Variants in TMEM245 observed in about 807,000 individuals in gnomAD.
TMEM245 encodes the protein protein CG-2.
A neutral mutation model predicts 101.2 loss-of-function variants in TMEM245; 69 were observed. The ratio of observed to expected loss-of-function variants is 0.68; its 90% CI spans 0.56 to 0.83. The LOEUF (loss-of-function observed/expected upper bound fraction) is 0.83, where lower values mean the gene tolerates loss of function less well. TMEM245 is among the 40% of genes least tolerant of loss of function. The pLI is 0.00. For missense variants in TMEM245, 1,075 were observed against 1,092.8 expected (o/e 0.98, Z 0.23); for synonymous variants, 537 against 449.8 (o/e 1.19, Z -2.45).
At chr9:109,037,992 G>A in intron 15 of TMEM245, 25 bp downstream of exon 15, 1 of 1,519,066 alleles carries the variant, frequency 6.6e-7, no homozygotes, top group South Asian at 1.2e-5. Context: ...ATAGCGAATA[G>A]TGGAAGGTAC....
chr9:109,092,809 C>G (rs1175706697), intron 4 of TMEM245, among the ~76,000 whole-genome samples: 2 of 152,152 alleles, frequency 1.3e-5, no homozygotes, highest in African/African-American at 4.8e-5. Flanking sequence ...GCTGGTATAT[C>G]TACCAGCTGG....
chr9:109,079,660 A>G (rs575344535), intron 8 of TMEM245, among the ~76,000 whole-genome samples: 1 of 152,252 alleles, frequency 6.6e-6, no homozygotes, highest in East Asian at 1.9e-4. Context: ...AGCTCACTGA[A>G]GCAGGGGATG....
In TMEM245 at chr9:109,109,504, A is replaced by C. The variant is rs113924614; in HGVS notation, c.580-934T>G. Among the ~76,000 whole-genome samples, 440 of 152,134 alleles carry C rather than the reference A, an allele frequency of 2.9e-3. 1 individual carries two copies. Among genetic ancestry groups the C allele is most frequent in the African/African-American group, 0.01 (423 of 41,572 alleles). On this transcript the variant is annotated intron_variant, in intron 1 of 17. Transcript: ENST00000374586. The stretch of plus-strand genomic sequence containing the variant: ...ATAATTCAGAGCATGAAGAAAAAAG[A>C]ACTGATGGGATTACTAAAAAAGACA...
At chr9:109,107,300 G>A (rs1830454130) in intron 2 of TMEM245, among the ~76,000 whole-genome samples, 1 of 151,562 alleles carries the variant, frequency 6.6e-6, no homozygotes, top group Non-Finnish European at 1.5e-5. Flanking sequence ...TTGGGGGGCT[G>A]AGACAGGAGA....
At chr9:109,093,158 T>C (rs181983241) in intron 4 of TMEM245, among the ~76,000 whole-genome samples, 9 of 151,408 alleles carry the variant, frequency 5.9e-5, no homozygotes, top group African/African-American at 1.9e-4. Context: ...GAAAGGTAAA[T>C]GGAGACGGAG....
intron 1 of TMEM245, among the ~76,000 whole-genome samples, chr9:109,109,897 T>C (rs565548728): frequency 6.0e-4 from 91 of 152,312 alleles, no homozygotes; most frequent in African/African-American, 1.8e-3. Flanking sequence ...ACATCTACTA[T>C]ATGGTGGGAG....
intron 5 of TMEM245, among the ~76,000 whole-genome samples, chr9:109,088,738 C>T (rs939083147): frequency 2.7e-5 from 4 of 148,872 alleles, no homozygotes; most frequent in African/African-American, 7.5e-5. Context: ...AAAGTGTGAA[C>T]CCAGGAAGTG....
At chr9:109,068,036 A>G (rs1829219967) in intron 9 of TMEM245, among the ~76,000 whole-genome samples, 1 of 152,106 alleles carries the variant, frequency 6.6e-6, no homozygotes, top group African/African-American at 2.4e-5. Context: ...AAAAAGAATC[A>G]GACCTTCTAT....
At chr9:109,053,197 G>A (rs773501272) in intron 12 of TMEM245, among the ~76,000 whole-genome samples, 1 of 152,180 alleles carries the variant, frequency 6.6e-6, no homozygotes, top group Non-Finnish European at 1.5e-5. Context: ...AGGCCAAGGT[G>A]AGCGGATCAG....
chr9:109,050,578 G>C lies in TMEM245; in HGVS notation c.1969C>G (p.Leu657Val), dbSNP rs1248639135. 6.2e-7 allele frequency: 1 copy of C among 1,613,876 alleles called. No homozygotes were observed. Among genetic ancestry groups the C allele is most frequent in the South Asian group, 1.1e-5 (1 of 91,070 alleles). Reference protein sequence around the residue: ...YSGTALLNFVLSLIIFLTTLF... With the variant: ...YSGTALLNFVVSLIIFLTTLF... ...TATCTATGTGGACGTACCAGAGAGA[G>C]TACAAAATTGAGAAGGGCTGTCCCG... Residue 657 changes from leucine to valine, a missense_variant, in exon 13 of 18, where the codon CTC (leucine) becomes GTC (valine). Physicochemically the swap from Leu to Val is conservative, Grantham distance 32 (BLOSUM62 1). Coordinates refer to ENST00000374586, the MANE Select transcript of TMEM245 (RefSeq NM_032012.4).
At chr9:109,091,707 T>G (rs1400695769) in intron 4 of TMEM245, among the ~76,000 whole-genome samples, 8 of 152,290 alleles carry the variant, frequency 5.3e-5, no homozygotes, top group South Asian at 2.1e-4. Context: ...GTGAGGATTT[T>G]CAAATAAAGG....
At chr9:109,089,246 AATACAG>A (rs1829930938) in intron 5 of TMEM245, among the ~76,000 whole-genome samples, 1 of 152,180 alleles carries the variant, frequency 6.6e-6, no homozygotes, top group Non-Finnish European at 1.5e-5. Context: ...AAAAAAAAAA[AATACAG>A]ATACAAACTT....
rs774087746 is a variant in TMEM245, at chr9:109,090,976, T to C, written c.1096A>G (p.Met366Val). ...ATCCACAGGTTCAACCAGATCTGCA[T>C]GACGACAATGGCCCAAACTAGAGAC... ...FVSLVWAIVV[M>V]QIWLNLWIVQ... The change falls in exon 5 of 18, where the codon ATG (methionine) becomes GTG (valine). Residue 366 changes from methionine to valine, a missense_variant. Physicochemically the swap from Met to Val is conservative, Grantham distance 21. This residue lies in a region of TMEM245 where 808 missense variants were observed against 741.5 expected (regional missense o/e 1.09). Coordinates refer to ENST00000374586, the MANE Select transcript of TMEM245 (RefSeq NM_032012.4). 1.2e-6 allele frequency: 2 copies of C among 1,614,220 alleles called. No homozygotes were observed. Among genetic ancestry groups the C allele is most frequent in the Non-Finnish European group, 1.7e-6 (2 of 1,180,044 alleles).
intron 8 of TMEM245, among the ~76,000 whole-genome samples, chr9:109,077,056 A>G (rs1219546993): frequency 6.6e-6 from 1 of 151,640 alleles, no homozygotes; most frequent in African/African-American, 2.4e-5. Flanking sequence ...TTTTCTTGAA[A>G]AGAATATAAT....
intron 17 of TMEM245, among the ~76,000 whole-genome samples, chr9:109,020,949 G>T (rs1043261087): frequency 6.6e-6 from 1 of 152,192 alleles, no homozygotes; most frequent in Non-Finnish European, 1.5e-5. Flanking sequence ...AATAGAAATC[G>T]TAATCCAACA....
intron 5 of TMEM245, among the ~76,000 whole-genome samples, chr9:109,087,772 G>C (rs922057959): frequency 6.6e-6 from 1 of 152,068 alleles, no homozygotes; most frequent in African/African-American, 2.4e-5. Flanking sequence ...TTCCTTAGTT[G>C]CTCGTTATTT....
At chr9:109,060,537 T>A in intron 10 of TMEM245, 85 bp from the exon 11 acceptor site, 2 of 928,734 alleles carry the variant, frequency 2.2e-6, no homozygotes, top group Non-Finnish European at 3.3e-6. Context: ...TTTACATTTG[T>A]TCCAAAGCAA....
At chr9:109,076,577 CTAA>C (rs1245584013) in intron 8 of TMEM245, among the ~76,000 whole-genome samples, 2 of 152,040 alleles carry the variant, frequency 1.3e-5, no homozygotes, top group East Asian at 1.9e-4. Flanking sequence ...AAGGCTTTAA[CTAA>C]TGTTATATAC....
chr9:109,033,411 G>A lies in TMEM245; in HGVS notation c.2490C>T (p.Leu830=). ...LEGAIIGPIL[L]CILVVASNIY... ...TATTGGAAGCAACCACAAGTATGCA[G>A]AGAAGAATAGGACCGATGATTGCTC... Residue 830 remains leucine, a synonymous_variant, in exon 17 of 18, where the codon CTC becomes CTT. Transcript: ENST00000374586. 1 of 1,614,162 alleles carries A rather than the reference G, an allele frequency of 6.2e-7. No individual in the cohort carries two copies. Among genetic ancestry groups the A allele is most frequent in the Non-Finnish European group, 8.5e-7 (1 of 1,180,016 alleles).
Sources: allele counts gnomAD v4.1 joint callset (sites outside exome capture counted in the v4.1 genomes callset), GRCh38; gene constraint gnomAD v4.1.1; regional missense constraint gnomAD v4.1.1; transcripts MANE v1.5; gene names NCBI Gene and HGNC (gene_info 2026-07-23, HGNC 2026-07-21).